The following TEX10 variants were observed in gnomAD, a reference collection of about 807,000 sequenced individuals.
The protein encoded by TEX10 is testis expressed 10, also known as testis-expressed protein 10.
Under a neutral mutation model 104.4 loss-of-function variants are expected in TEX10, and 24 were observed. The ratio of observed to expected loss-of-function variants is 0.23; its 90% CI spans 0.17 to 0.32. TEX10 has a LOEUF of 0.32. TEX10 is among the 10% of genes least tolerant of loss of function. The pLI is 1.00. For synonymous variants in TEX10, 396 were observed against 393.4 expected (o/e 1.01, Z -0.08); for missense variants, 921 against 1,083.9 (o/e 0.85, Z 2.11).
intron 7 of TEX10, among the ~76,000 whole-genome samples, chr9:100,328,362 A>T (rs1834762063): frequency 6.6e-6 from 1 of 152,344 alleles, no homozygotes; most frequent in East Asian, 1.9e-4. Flanking sequence ...CTTGAATAAC[A>T]GTGAACATTT....
At chr9:100,307,331 T>A (rs888555569) in intron 13 of TEX10, 1 of 152,246 alleles carries the variant, frequency 6.6e-6, no homozygotes, top group Non-Finnish European at 1.5e-5. Flanking sequence ...TATCTATTGA[T>A]GCTTTCACAC....
Position 100,329,935 on chromosome 9 carries a change from G to A in TEX10, c.1485C>T (p.Asn495=). 6.2e-7 allele frequency: 1 copy of A among 1,608,836 alleles called. No individual in the cohort carries two copies. The highest frequency in any genetic ancestry group is 8.5e-7 in the Non-Finnish European group (1 of 1,176,608). The change falls in exon 6 of 15, where the codon AAC becomes AAT. Residue 495 remains asparagine, a synonymous_variant. Coordinates refer to ENST00000374902, the MANE Select transcript of TEX10 (RefSeq NM_017746.4). ...GGGCAAAGTAGCATCACCTACCTCTGTTTGGCTGTATTTGCATTAACCTCC... is the reference window on the plus strand; with the variant it reads ...GGGCAAAGTAGCATCACCTACCTCTATTTGGCTGTATTTGCATTAACCTCC... The part of the protein sequence containing the change: ...VSWRLMQIQP[N]REDTETLIKA...
chr9:100,309,775 A>G (rs1257003063), intron 12 of TEX10, among the ~76,000 whole-genome samples: 1 of 152,246 alleles, frequency 6.6e-6, no homozygotes, highest in African/African-American at 2.4e-5. Context: ...ACACTGGAGA[A>G]AGTTAAAAGC....
At chr9:100,338,848 C>T (rs1423429633) in intron 5 of TEX10, among the ~76,000 whole-genome samples, 2 of 86,018 alleles carry the variant, frequency 2.3e-5, no homozygotes, top group African/African-American at 1.6e-4. Context: ...GCCAAGATTA[C>T]GCCTTGCACT....
chr9:100,316,127 C>A (rs1834412189), intron 11 of TEX10, among the ~76,000 whole-genome samples: 2 of 152,160 alleles, frequency 1.3e-5, no homozygotes, highest in Admixed American at 6.5e-5. Flanking sequence ...CAAAATTCCT[C>A]CACAAGATAC....
chr9:100,307,822 T>A (rs1001411263), intron 13 of TEX10: 6 of 152,144 alleles, frequency 3.9e-5, no homozygotes, highest in African/African-American at 9.7e-5. Context: ...ATTCAGTATA[T>A]GTATTTTCAT....
intron 11 of TEX10, among the ~76,000 whole-genome samples, chr9:100,319,032 A>C (rs1283840339): frequency 6.6e-6 from 1 of 152,192 alleles, no homozygotes; most frequent in Non-Finnish European, 1.5e-5. Flanking sequence ...TCTACTAAAA[A>C]TACAAAAAAA....
chr9:100,304,133 T>A, intron 13 of TEX10: 1 of 447,390 alleles, frequency 2.2e-6, no homozygotes, highest in Non-Finnish European at 4.1e-6. Flanking sequence ...TCCATGCTCA[T>A]GAATTGGAAT....
chr9:100,352,282 G>A, intron 1 of TEX10: 1 of 1,425,184 alleles, frequency 7.0e-7, no homozygotes, highest in Non-Finnish European at 9.7e-7. Flanking sequence ...GGCCCAGGCA[G>A]GGGCGACCCC....
intron 11 of TEX10, among the ~76,000 whole-genome samples, chr9:100,317,311 G>A (rs1834445730): frequency 1.3e-5 from 2 of 152,028 alleles, no homozygotes; most frequent in Non-Finnish European, 2.9e-5. Flanking sequence ...ATGGATCAAG[G>A]GAACAGAATA....
intron 5 of TEX10, among the ~76,000 whole-genome samples, chr9:100,335,979 C>A (rs1342963778): frequency 6.6e-6 from 1 of 151,788 alleles, no homozygotes; most frequent in Non-Finnish European, 1.5e-5. Flanking sequence ...ACCAGCCTGA[C>A]CAACATGGTG....
intron 5 of TEX10, among the ~76,000 whole-genome samples, chr9:100,336,433 T>C (rs1290888150): frequency 6.6e-6 from 1 of 152,144 alleles, no homozygotes; most frequent in Non-Finnish European, 1.5e-5. Flanking sequence ...CATTCGATTC[T>C]CATAGGAGCA....
Position 100,320,321 on chromosome 9 carries a change from C to A in TEX10, c.2146G>T (p.Val716Leu), listed in dbSNP as rs1258482690. ...PHVIQTQLSP[V>L]LLYLTDLDQF... ...TCCAAATCTGTAAGGTAGAGAAGCACAGGGGAAAGCTGTGTCTGGATGACA... is the reference window on the plus strand; with the variant it reads ...TCCAAATCTGTAAGGTAGAGAAGCAAAGGGGAAAGCTGTGTCTGGATGACA... Residue 716 changes from valine to leucine, a missense_variant, in exon 11 of 15, where the codon GTG (valine) becomes TTG (leucine). Coordinates refer to ENST00000374902, the MANE Select transcript of TEX10 (RefSeq NM_017746.4). 2.5e-6 allele frequency: 4 copies of A among 1,613,136 alleles called. No homozygotes were observed. The Admixed American group carries it at 6.7e-5, about 27-fold the overall frequency.
At chr9:100,351,364 A>T (rs10989065) in intron 1 of TEX10, among the ~76,000 whole-genome samples, 45,673 of 114,354 alleles carry the variant, frequency 0.4, 10,470 homozygotes, top group East Asian at 0.87. Flanking sequence ...CCTTAGTCTT[A>T]AAAAACAAAA....
intron 4 of TEX10, among the ~76,000 whole-genome samples, chr9:100,342,943 C>T (rs1025582577): frequency 1.3e-5 from 2 of 151,762 alleles, no homozygotes; most frequent in Non-Finnish European, 2.9e-5. Context: ...GTCAGGAGAT[C>T]GAGACCATCC....
chr9:100,333,010 T>A (rs1834907631), intron 5 of TEX10, among the ~76,000 whole-genome samples: 1 of 151,948 alleles, frequency 6.6e-6, no homozygotes, highest in South Asian at 2.1e-4. Context: ...CTGTTTTTTG[T>A]TTTTTTGTTT....
At chr9:100,303,599 A>G (rs761124630) in intron 14 of TEX10, 33 bp downstream of exon 14, 2 of 1,609,820 alleles carry the variant, frequency 1.2e-6, no homozygotes, top group Admixed American at 1.7e-5. Flanking sequence ...TCTTATGCTA[A>G]TACTGCAAAG....
chr9:100,308,608 G>A lies in TEX10; in HGVS notation c.2357C>T (p.Thr786Ile). The A allele has an allele frequency of 1.9e-6, 3 of 1,613,168 alleles. No individual in the cohort carries two copies. The highest frequency in any genetic ancestry group is 2.5e-6 in the Non-Finnish European group (3 of 1,179,486). The change falls in exon 13 of 15, where the codon ACT (threonine) becomes ATT (isoleucine). Residue 786 changes from threonine to isoleucine, a missense_variant. This residue lies in a region of TEX10 where 753 missense variants were observed against 868.4 expected (regional missense o/e 0.87). Transcript: ENST00000374902. ...FGVICKLLDHTCVVSETLLPF... is the reference protein window; with the variant it reads ...FGVICKLLDHICVVSETLLPF... ...CAGTAGAGTCTCACTAACTACACAA[G>A]TATGATCCAGGAGCTTACAGATAAC...
Position 100,322,918 on chromosome 9 carries a change from A to C in TEX10, c.1980-1147T>G, listed in dbSNP as rs565324297. ...GTTGTGAGCCACTGCACCCAGCCTT[A>C]TTAATATTCTTAAGGAGGGGACAGG... is the stretch of plus-strand genomic sequence containing the variant. On this transcript the variant is annotated intron_variant, in intron 9 of 14. Transcript: ENST00000374902. Among the ~76,000 whole-genome samples, 27 of 152,212 alleles carry C rather than the reference A, an allele frequency of 1.8e-4. No individual in the cohort carries two copies. In the South Asian group the frequency reaches 5.2e-3, roughly 29 times the overall value.
Sources: allele counts gnomAD v4.1 joint callset (sites outside exome capture counted in the v4.1 genomes callset), GRCh38; gene constraint gnomAD v4.1.1; regional missense constraint gnomAD v4.1.1; transcripts MANE v1.5; gene names NCBI Gene and HGNC (gene_info 2026-07-23, HGNC 2026-07-21).